ULK4: variants seen among roughly 807,000 people sequenced by gnomAD.
ULK4 encodes unc-51 like kinase 4.
A neutral mutation model predicts 160.6 loss-of-function variants in ULK4; 133 were observed. The ratio of observed to expected loss-of-function variants is 0.83; its 90% CI spans 0.72 to 0.96. The LOEUF is 0.96. Among genes scored for constraint, ULK4 ranks in the 40% least tolerant of loss-of-function variants. The pLI is 0.00. For synonymous variants in ULK4, 534 were observed against 539.8 expected (o/e 0.99, Z 0.15); for missense variants, 1,580 against 1,499.5 (o/e 1.05, Z -0.89).
intron 32 of ULK4, among the ~76,000 whole-genome samples, chr3:41,562,331 T>C (rs1575417486): frequency 1.3e-5 from 2 of 152,174 alleles, no homozygotes; most frequent in East Asian, 3.8e-4. Flanking sequence ...GGAGAATGTA[T>C]TTTCTGTTTA....
In ULK4 at chr3:41,741,966, A is replaced by C. The variant is rs145106587; in HGVS notation, c.2321+12395T>G. 3.5e-3 allele frequency among the ~76,000 whole-genome samples: 528 copies of C among 151,902 alleles called. 13 individuals carry two copies. The highest frequency in any genetic ancestry group is 0.012 in the African/African-American group (503 of 41,248). Reference sequence around the variant, plus strand: ...CCTCCAACCCAGAACTGTCCCCCCAAAAAAGTGCTAAGAAAAGCCTATTTT... The same window carrying C: ...CCTCCAACCCAGAACTGTCCCCCCACAAAAGTGCTAAGAAAAGCCTATTTT... On this transcript the variant is annotated intron_variant, in intron 22 of 36. Transcript: ENST00000301831.
At chr3:41,744,557 G>A (rs1184038451) in intron 22 of ULK4, among the ~76,000 whole-genome samples, 1 of 151,710 alleles carries the variant, frequency 6.6e-6, no homozygotes, top group Non-Finnish European at 1.5e-5. Context: ...AGCAAAATTT[G>A]TTAGAAAGCA....
At chr3:41,419,239 T>C (rs2082602547) in intron 34 of ULK4, among the ~76,000 whole-genome samples, 1 of 152,118 alleles carries the variant, frequency 6.6e-6, no homozygotes, top group Non-Finnish European at 1.5e-5. Context: ...ATGACAGCAG[T>C]GTGCTCGGTG....
chr3:41,852,821 A>G (rs2042249652), intron 17 of ULK4, among the ~76,000 whole-genome samples: 1 of 152,176 alleles, frequency 6.6e-6, no homozygotes, highest in Non-Finnish European at 1.5e-5. Flanking sequence ...GACCATTAAT[A>G]TTAAGTTGGT....
intron 19 of ULK4, among the ~76,000 whole-genome samples, chr3:41,804,623 A>G (rs1450883227): frequency 6.6e-6 from 1 of 152,022 alleles, no homozygotes; most frequent in African/African-American, 2.4e-5. Flanking sequence ...TAGGTCTAAC[A>G]TTTAAGTCTT....
intron 30 of ULK4, among the ~76,000 whole-genome samples, chr3:41,643,397 A>G (rs1274682315): frequency 6.6e-6 from 1 of 152,146 alleles, no homozygotes; most frequent in Non-Finnish European, 1.5e-5. Context: ...ACCAGTGTCA[A>G]CTTTCTACAT....
At chr3:41,346,716 T>G (rs1411398204) in intron 35 of ULK4, among the ~76,000 whole-genome samples, 2 of 152,196 alleles carry the variant, frequency 1.3e-5, no homozygotes, top group Non-Finnish European at 2.9e-5. Context: ...AGACATACAT[T>G]TGTGTGCTGT....
intron 22 of ULK4, among the ~76,000 whole-genome samples, chr3:41,727,242 G>A (rs1364972941): frequency 6.6e-6 from 1 of 152,186 alleles, no homozygotes; most frequent in East Asian, 1.9e-4. Context: ...ACAGCAAAAT[G>A]AGTTCAATGA....
chr3:41,249,410 T>C, intron 36 of ULK4, 79 bp downstream of exon 36: 1 of 1,304,464 alleles, frequency 7.7e-7, no homozygotes, highest in Non-Finnish European at 1.1e-6. Context: ...GGGAGATGAG[T>C]GGGAGGAGTG....
At position 41,599,247 on chromosome 3, in the gene ULK4, G is replaced by C. The variant is rs1295525099; in HGVS notation, c.3120+16422C>G. 3.3e-5 allele frequency among the ~76,000 whole-genome samples: 5 copies of C among 152,234 alleles called. 1 individual carries two copies. The highest frequency in any genetic ancestry group is 2.0e-4 in the Admixed American group (3 of 15,304). On this transcript the variant is annotated intron_variant, in intron 31 of 36. Coordinates refer to ENST00000301831, the MANE Select transcript of ULK4 (RefSeq NM_017886.4). ...TAGGATGAGGATGAGCTAATGTTTA[G>C]GTCAGCTGATTAGGATGAGGATAAT...
At chr3:41,662,233 C>T (rs1245212646) in intron 30 of ULK4, among the ~76,000 whole-genome samples, 1 of 152,182 alleles carries the variant, frequency 6.6e-6, no homozygotes, top group Non-Finnish European at 1.5e-5. Flanking sequence ...TATAGAAACA[C>T]TGAAGCAAAC....
intron 23 of ULK4, among the ~76,000 whole-genome samples, chr3:41,716,978 T>C (rs867261613): frequency 3.3e-5 from 5 of 152,106 alleles, no homozygotes; most frequent in Admixed American, 1.3e-4. Flanking sequence ...TTCTCATTTA[T>C]TGTGGGAGTT....
chr3:41,875,034 G>C (rs1315618229), intron 17 of ULK4, among the ~76,000 whole-genome samples: 2 of 152,184 alleles, frequency 1.3e-5, no homozygotes, highest in East Asian at 1.9e-4. Flanking sequence ...TAAAAGATTA[G>C]TCAGGCATGG....
chr3:41,817,584 C>T (rs2041013238), intron 19 of ULK4, among the ~76,000 whole-genome samples: 1 of 151,932 alleles, frequency 6.6e-6, no homozygotes. Context: ...TACACATGGA[C>T]AGAAAGAAGG....
In ULK4 at chr3:41,547,629, C is replaced by T. The variant is rs1012839109; in HGVS notation, c.3226+18396G>A. Among the ~76,000 whole-genome samples the T allele has an allele frequency of 5.3e-5, 8 of 152,274 alleles. No homozygotes were observed. The Middle Eastern group carries it at 0.01, about 194-fold the overall frequency. ...GACAGGGATTTCACACAGGGTCCCA[C>T]GCATTCTCCCAAGACCCAAGTAGCT... On this transcript the variant is annotated intron_variant, in intron 32 of 36. Transcript: ENST00000301831.
chr3:41,661,632 C>T (rs1339925056), intron 30 of ULK4, among the ~76,000 whole-genome samples: 1 of 152,082 alleles, frequency 6.6e-6, no homozygotes, highest in Non-Finnish European at 1.5e-5. Context: ...ATTACTACCC[C>T]TAGGGGAGAA....
intron 35 of ULK4, among the ~76,000 whole-genome samples, chr3:41,392,107 T>C (rs1274214018): frequency 6.6e-6 from 1 of 152,096 alleles, no homozygotes; most frequent in Admixed American, 6.6e-5. Context: ...TAATCTACAA[T>C]CATTGCCCTG....
At chr3:41,325,444 G>A (rs980625399) in intron 35 of ULK4, among the ~76,000 whole-genome samples, 1 of 152,146 alleles carries the variant, frequency 6.6e-6, no homozygotes, top group Non-Finnish European at 1.5e-5. Context: ...ATTTCATGCT[G>A]TTATGTGATA....
chr3:41,536,207 C>T (rs996589875), intron 32 of ULK4, among the ~76,000 whole-genome samples: 1 of 152,158 alleles, frequency 6.6e-6, no homozygotes, highest in African/African-American at 2.4e-5. Context: ...TCTGAAACTG[C>T]CTCTCTTAGT....
Sources: allele counts gnomAD v4.1 joint callset (sites outside exome capture counted in the v4.1 genomes callset), GRCh38; gene constraint gnomAD v4.1.1; transcripts MANE v1.5; gene names NCBI Gene and HGNC (gene_info 2026-07-23, HGNC 2026-07-21).